SDS: variants seen among roughly 807,000 people sequenced by gnomAD.
SDS encodes serine dehydratase, also known as L-serine dehydratase/L-threonine deaminase.
Under a neutral mutation model 29.3 loss-of-function variants are expected in SDS, and 19 were observed. The observed-to-expected ratio is 0.65, with a 90% CI of 0.45 to 0.95. SDS has a LOEUF of 0.95. Among genes scored for constraint, SDS ranks in the 40% least tolerant of loss-of-function variants. SDS has a pLI of 0.00. For missense variants in SDS, 375 were observed against 439.9 expected (o/e 0.85, Z 1.32); for synonymous variants, 176 against 189.0 (o/e 0.93, Z 0.56).
At chr12:113,401,253 TA>T (rs778436716) in intron 1 of SDS, among the ~76,000 whole-genome samples, 104 of 151,314 alleles carry the variant, frequency 6.9e-4, no homozygotes, top group African/African-American at 2.4e-3. Flanking sequence ...AATATTTATT[TA>T]AAAAAAAACA....
At chr12:113,402,864 G>A (rs1957692809) in intron 1 of SDS, among the ~76,000 whole-genome samples, 2 of 152,166 alleles carry the variant, frequency 1.3e-5, no homozygotes, top group East Asian at 3.9e-4. Context: ...AAGAGGTTGT[G>A]CCCGGGGAGG....
chr12:113,399,178 A>G (rs1413460119), intron 2 of SDS, 27 bp from the exon 3 acceptor site: 3 of 1,612,636 alleles, frequency 1.9e-6, no homozygotes, highest in Non-Finnish European at 2.5e-6. Context: ...AGAGGCACTC[A>G]GGCCCACCTC....
chr12:113,399,164 C>G lies in SDS; in HGVS notation c.154-13G>C. ...CTTGCTTGGCCCACTGTGGAGACAA[C>G]AGGAGAGGCACTCAGGCCCACCTCC... is the stretch of plus-strand genomic sequence containing the variant. On this transcript the variant is annotated splice_polypyrimidine_tract_variant and intron_variant, in intron 2 of 7. Transcript: ENST00000257549. 1 of 1,613,652 alleles carries G rather than the reference C, an allele frequency of 6.2e-7. No individual in the cohort carries two copies. Among genetic ancestry groups the G allele is most frequent in the Non-Finnish European group, 8.5e-7 (1 of 1,179,766 alleles).
rs1178283156 is a variant in SDS, at chr12:113,398,800, G to A, written c.240C>T (p.Gly80=). Residue 80 remains glycine (G), a synonymous_variant, in exon 4 of 8, where the codon GGC becomes GGT. Transcript: ENST00000257549. ...MAAAYAARQL[G]VPATIVVPST... Reference sequence around the variant, plus strand: ...TGGGCACCACGATGGTGGCGGGGACGCCGAGTTGCCTGGCCGCATATGCAG... The same window carrying A: ...TGGGCACCACGATGGTGGCGGGGACACCGAGTTGCCTGGCCGCATATGCAG... The A allele has an allele frequency of 8.1e-6, 13 of 1,612,228 alleles. No homozygotes were observed. The highest frequency in any genetic ancestry group is 1.1e-5 in the South Asian group (1 of 90,942).
intron 5 of SDS, 113 bp from the exon 6 acceptor site, chr12:113,397,505 C>T (rs1007335647): frequency 3.5e-6 from 3 of 851,518 alleles, no homozygotes; most frequent in South Asian, 1.7e-5. Context: ...GTTCCCTCCC[C>T]ACCCCCAACC....
chr12:113,400,427 C>T (rs917121148), intron 1 of SDS, among the ~76,000 whole-genome samples: 8 of 151,702 alleles, frequency 5.3e-5, no homozygotes, highest in African/African-American at 1.2e-4. Flanking sequence ...GGGCCAAGAT[C>T]GAGCCACTGC....
Position 113,399,549 on chromosome 12 carries a change from C to A in SDS, c.153+7G>T. 1.3e-6 allele frequency: 2 copies of A among 1,572,736 alleles called. No individual in the cohort carries two copies. Among genetic ancestry groups the A allele is most frequent in the Non-Finnish European group, 1.7e-6 (2 of 1,161,410 alleles). Reference sequence around the variant, plus strand: ...CCTGCCCAGATAATGCTGACCCGGTCCCGTACCCTCTTGCAGAAGTGCCCA... The same window carrying A: ...CCTGCCCAGATAATGCTGACCCGGTACCGTACCCTCTTGCAGAAGTGCCCA... On this transcript the variant is annotated splice_region_variant and intron_variant, in intron 2 of 7. Transcript: ENST00000257549.
chr12:113,402,118 G>A (rs1362545115), intron 1 of SDS, among the ~76,000 whole-genome samples: 4 of 152,132 alleles, frequency 2.6e-5, no homozygotes, highest in Non-Finnish European at 5.9e-5. Context: ...GTCACCCCTT[G>A]TCTATCTGAA....
Position 113,393,878 on chromosome 12 carries a change from G to T in SDS, c.778+14C>A, listed in dbSNP as rs1477094103. On this transcript the variant is annotated intron_variant, in intron 7 of 7. Transcript: ENST00000257549. ...GAGTCAGCAGGTCAGGTCATGGGAG[G>T]ACCTGGCACATACCCACGAACTTCT... 24 of 1,614,168 alleles carry T rather than the reference G, an allele frequency of 1.5e-5. No homozygotes were observed. The East Asian group carries it at 5.1e-4, about 34-fold the overall frequency.
chr12:113,395,796 G>A (rs1207992332), intron 6 of SDS, among the ~76,000 whole-genome samples: 1 of 152,132 alleles, frequency 6.6e-6, no homozygotes, highest in Non-Finnish European at 1.5e-5. Context: ...GTGTAATGGG[G>A]TCAAAACCTA....
rs1283193686 is a variant in SDS at position 113,392,664 on chromosome 12, C to G, written c.*277G>C. On this transcript the variant is annotated 3_prime_UTR_variant, in exon 8 of 8. Coordinates refer to ENST00000257549, the MANE Select transcript of SDS (RefSeq NM_006843.3). ...TCAGGTCTCTCCTGTCCACCCTGCT[C>G]TGGGTACCTGGTGTGTTACTTGTGG... 2 of 434,948 alleles carry G rather than the reference C, an allele frequency of 4.6e-6. No homozygotes were observed. The highest frequency in any genetic ancestry group is 8.3e-6 in the Non-Finnish European group (2 of 241,560). The allele number at this position is 434,948 out of a possible 1,614,324, so 26.9% of individuals were successfully genotyped here. A position where few individuals can be genotyped will look rare whatever the true frequency, so the allele number is the denominator to read the frequency against.
intron 7 of SDS, among the ~76,000 whole-genome samples, chr12:113,393,449 G>A (rs1957624061): frequency 6.6e-6 from 1 of 152,226 alleles, no homozygotes; most frequent in South Asian, 2.1e-4. Flanking sequence ...GATTAGCCAA[G>A]TGTGCAGCAG....
In SDS at chr12:113,398,059, T is replaced by C. The variant is rs979382550; in HGVS notation, c.425+456A>G. ...TGCACCTGGGTGTAACGTGTGTTTCTTCTTTTTTTTTTTTTTTGTTTTTTT... is the reference window on the plus strand; with the variant it reads ...TGCACCTGGGTGTAACGTGTGTTTCCTCTTTTTTTTTTTTTTTGTTTTTTT... On this transcript the variant is annotated intron_variant, in intron 5 of 7. Transcript: ENST00000257549. Among the ~76,000 whole-genome samples, 8 of 150,972 alleles carry C rather than the reference T, an allele frequency of 5.3e-5. No homozygotes were observed. In the East Asian group the frequency reaches 1.4e-3, roughly 26 times the overall value.
rs1420663818 is a variant in SDS at position 113,399,319 on chromosome 12, G to A, written c.154-168C>T. 7 of 887,296 alleles carry A rather than the reference G, an allele frequency of 7.9e-6. No individual in the cohort carries two copies. In the Admixed American group the frequency reaches 1.3e-4, roughly 16 times the overall value. 55.0% of individuals were successfully genotyped at this position (887,296 alleles called of 1,614,324 possible). A position where few individuals can be genotyped will look rare whatever the true frequency, so the allele number is the denominator to read the frequency against. On this transcript the variant is annotated intron_variant, in intron 2 of 7. Transcript: ENST00000257549. Reference sequence around the variant, plus strand: ...TGCACCTCCCATCTCCAAAGAGACTGGCTCAGGAAAGGGTGGAGGAAAATA... The same window carrying A: ...TGCACCTCCCATCTCCAAAGAGACTAGCTCAGGAAAGGGTGGAGGAAAATA...
At chr12:113,401,888 C>A (rs558135166) in intron 1 of SDS, among the ~76,000 whole-genome samples, 2 of 152,324 alleles carry the variant, frequency 1.3e-5, no homozygotes, top group African/African-American at 4.8e-5. Flanking sequence ...GGCCAAGGGG[C>A]TCTCTGGTTC....
chr12:113,398,845 C>A lies in SDS; in HGVS notation c.195G>T (p.Ala65=). The A allele has an allele frequency of 6.2e-7, 1 of 1,602,078 alleles. No homozygotes were observed. The highest frequency in any genetic ancestry group is 2.3e-5 in the East Asian group (1 of 44,156). Residue 65 remains alanine (A), a splice_region_variant and synonymous_variant, in exon 4 of 8, where the codon GCG becomes GCT. Transcript: ENST00000257549. ...QGCAHFVCSS[A]GNAGMAAAYA... is the part of the protein sequence containing the mutation. ...ATGCAGCCGCCATGCCTGCGTTGCC[C>A]GCTGCCAGGGTCGGGGGTGGAGAGC...
chr12:113,402,871 G>T (rs761394210), intron 1 of SDS, among the ~76,000 whole-genome samples: 1 of 152,200 alleles, frequency 6.6e-6, no homozygotes, highest in African/African-American at 2.4e-5. Flanking sequence ...TGTGCCCGGG[G>T]AGGAGGAGGG....
intron 6 of SDS, among the ~76,000 whole-genome samples, chr12:113,396,340 T>TTTTCCTTTCCTTTCCTTTCC (rs373354943): frequency 7.2e-6 from 1 of 138,874 alleles, no homozygotes; most frequent in African/African-American, 2.7e-5. Context: ...CTCCCTCCCT[T>TTTTCCTTTCCTTTCCTTTCC]TTTCCTTTCC....
chr12:113,395,870 G>A (rs1957640906), intron 6 of SDS, among the ~76,000 whole-genome samples: 1 of 152,186 alleles, frequency 6.6e-6, no homozygotes, highest in African/African-American at 2.4e-5. Context: ...CCAGCACTTT[G>A]GGAGGCTGAG....
Sources: gnomAD v4.1 joint callset for allele counts (sites outside exome capture counted in the v4.1 genomes callset) on GRCh38, gnomAD v4.1.1 for gene constraint, MANE v1.5 for transcripts, NCBI Gene and HGNC (gene_info 2026-07-23, HGNC 2026-07-21) for gene names.